The following NOX4 variants were observed in gnomAD, a reference collection of about 807,000 sequenced individuals.
The protein encoded by NOX4 is NADPH oxidase 4.
In NOX4, 69 loss-of-function variants were observed where a neutral mutation model predicts 87.6. The observed-to-expected ratio is 0.79, with a 90% confidence interval of 0.65 to 0.96. The LOEUF (loss-of-function observed/expected upper bound fraction) is 0.96. Ranked by LOEUF, NOX4 falls within the 40% of genes least tolerant of loss-of-function variation. The pLI, the probability that NOX4 is intolerant of heterozygous loss-of-function variation, is 0.00. For synonymous variants in NOX4, 275 were observed against 238.2 expected (o/e 1.15, Z -1.42); for missense variants, 680 against 681.5 (o/e 1.00, Z 0.02).
At chr11:89,391,331 G>C (rs1296178772) in intron 11 of NOX4, among the ~76,000 whole-genome samples, 1 of 152,144 alleles carries the variant, frequency 6.6e-6, no homozygotes, top group Non-Finnish European at 1.5e-5. Flanking sequence ...TGAAGGATGA[G>C]TAAGAGTTCC....
intron 9 of NOX4, among the ~76,000 whole-genome samples, chr11:89,401,774 G>C (rs1046932413): frequency 6.6e-6 from 1 of 152,054 alleles, no homozygotes; most frequent in African/African-American, 2.4e-5. Context: ...TCAGAAAATC[G>C]AGGGTGATAT....
chr11:89,461,374 G>A (rs1945455647), intron 2 of NOX4, among the ~76,000 whole-genome samples: 1 of 151,944 alleles, frequency 6.6e-6, no homozygotes. Context: ...GCCAGGTGCG[G>A]TGGGTTACGC....
At chr11:89,486,664 ACATATATATGTG>A (rs1946633867) in intron 2 of NOX4, among the ~76,000 whole-genome samples, 2 of 114,672 alleles carry the variant, frequency 1.7e-5, no homozygotes, top group African/African-American at 8.2e-5. Context: ...GTGTATATAT[ACATATATATGTG>A]TGTATATATG....
At chr11:89,430,068 T>C (rs1943695949) in intron 7 of NOX4, among the ~76,000 whole-genome samples, 2 of 152,188 alleles carry the variant, frequency 1.3e-5, no homozygotes, top group Admixed American at 1.3e-4. Context: ...TCAATGCATG[T>C]AATCCAGCAT....
At chr11:89,541,986 T>A in the NOX4 span, among the ~76,000 whole-genome samples, 1 of 152,160 alleles carries the variant, frequency 6.6e-6, no homozygotes, top group Non-Finnish European at 1.5e-5. Context: ...TTGTAGTTTT[T>A]TTTTTGTAGA....
At chr11:89,352,328 T>G (rs990063471) in intron 13 of NOX4, among the ~76,000 whole-genome samples, 1 of 152,106 alleles carries the variant, frequency 6.6e-6, no homozygotes, top group Non-Finnish European at 1.5e-5. Context: ...ATGATGTAGA[T>G]GTACAAGGAG....
the NOX4 span, among the ~76,000 whole-genome samples, chr11:89,546,268 A>G: frequency 1.3e-5 from 2 of 152,258 alleles, no homozygotes; most frequent in African/African-American, 4.8e-5. Context: ...GATAGTAATT[A>G]AAAAAAGACA....
intron 15 of NOX4, 123 bp from the exon 16 acceptor site, chr11:89,337,638 T>G (rs760790698): frequency 1.5e-6 from 2 of 1,336,440 alleles, no homozygotes; most frequent in Non-Finnish European, 2.1e-6. Flanking sequence ...TCAATATCTA[T>G]AAGAAAATGA....
chr11:89,516,141 TA>T, the NOX4 span, among the ~76,000 whole-genome samples: 313 of 151,306 alleles, frequency 2.1e-3, no homozygotes, highest in African/African-American at 6.6e-3. Context: ...TCTTCATCCT[TA>T]AAAAAAAATC....
intron 4 of NOX4, among the ~76,000 whole-genome samples, chr11:89,446,281 C>T: frequency 6.6e-6 from 1 of 152,044 alleles, no homozygotes; most frequent in East Asian, 1.9e-4. Context: ...AAAAATGGTA[C>T]AGCCATATTG....
chr11:89,438,834 A>AG (rs1565293464), intron 6 of NOX4, among the ~76,000 whole-genome samples: 101 of 38,008 alleles, frequency 2.7e-3, no homozygotes, highest in African/African-American at 0.019. Context: ...AATATCTTAT[A>AG]TATTATATAT....
intron 2 of NOX4, among the ~76,000 whole-genome samples, chr11:89,487,668 G>A (rs954168837): frequency 6.6e-6 from 1 of 152,090 alleles, no homozygotes; most frequent in Non-Finnish European, 1.5e-5. Flanking sequence ...TCCCACATGC[G>A]TATACCAGTG....
intron 12 of NOX4, among the ~76,000 whole-genome samples, chr11:89,368,881 A>G (rs1226824242): frequency 6.6e-6 from 1 of 152,098 alleles, no homozygotes; most frequent in Non-Finnish European, 1.5e-5. Flanking sequence ...AGACTGGTCT[A>G]TACTTAACAA....
chr11:89,542,396 C>T, the NOX4 span, among the ~76,000 whole-genome samples: 1 of 152,232 alleles, frequency 6.6e-6, no homozygotes, highest in African/African-American at 2.4e-5. Flanking sequence ...AACTAATTTA[C>T]TATAACCTAC....
At chr11:89,383,079 C>T (rs1940414663) in intron 11 of NOX4, among the ~76,000 whole-genome samples, 1 of 152,102 alleles carries the variant, frequency 6.6e-6, no homozygotes, top group Non-Finnish European at 1.5e-5. Context: ...CCCTGAAACC[C>T]CACAACAGGA....
chr11:89,483,815 C>G (rs962032656), intron 2 of NOX4, among the ~76,000 whole-genome samples: 12 of 152,018 alleles, frequency 7.9e-5, no homozygotes, highest in Non-Finnish European at 1.6e-4. Flanking sequence ...CTTGACTTAG[C>G]CATTTCACAA....
upstream of NOX4, among the ~76,000 whole-genome samples, chr11:89,502,102 A>G (rs1412362071): frequency 6.6e-6 from 1 of 151,998 alleles, no homozygotes; most frequent in Non-Finnish European, 1.5e-5. Context: ...ACTGAATAAG[A>G]TTTTATGTGG....
chr11:89,419,411 T>A (rs1411100154), intron 8 of NOX4, among the ~76,000 whole-genome samples: 1 of 151,980 alleles, frequency 6.6e-6, no homozygotes. Context: ...AGCCAATCCT[T>A]CATCAGTATA....
At chr11:89,414,288 C>A (rs1419630037) in intron 8 of NOX4, among the ~76,000 whole-genome samples, 3 of 151,946 alleles carry the variant, frequency 2.0e-5, no homozygotes, top group Admixed American at 1.3e-4. Flanking sequence ...TTTGGAATTC[C>A]ATTATCAAAT....
Sources: gnomAD v4.1 joint callset for allele counts (sites outside exome capture counted in the v4.1 genomes callset) on GRCh38, gnomAD v4.1.1 for gene constraint, MANE v1.5 for transcripts, NCBI Gene and HGNC (gene_info 2026-07-23, HGNC 2026-07-21) for gene names.